The following CNTLN variants were observed in gnomAD, a reference collection of about 807,000 sequenced individuals.
The protein encoded by CNTLN is centlein, also known as centlein, centrosomal protein.
Under a neutral mutation model 180.0 loss-of-function variants are expected in CNTLN, and 212 were observed. The observed-to-expected ratio is 1.18, with a 90% CI of 1.05 to 1.32. The LOEUF (loss-of-function observed/expected upper bound fraction) is 1.32, where lower values mean the gene tolerates loss of function less well. Among genes scored for constraint, CNTLN ranks in the 40% most tolerant of loss-of-function variants. The pLI is 0.00. For synonymous variants in CNTLN, 722 were observed against 563.1 expected (o/e 1.28, Z -3.99); for missense variants, 2,095 against 1,610.9 (o/e 1.30, Z -5.14).
intron 10 of CNTLN, among the ~76,000 whole-genome samples, chr9:17,339,182 T>G (rs571835714): frequency 2.6e-4 from 39 of 152,300 alleles, no homozygotes; most frequent in African/African-American, 9.4e-4. Context: ...TAATAACTAC[T>G]TAAGAGAACT....
intron 18 of CNTLN, among the ~76,000 whole-genome samples, chr9:17,439,307 A>G (rs1353231415): frequency 6.6e-6 from 1 of 152,218 alleles, no homozygotes; most frequent in Non-Finnish European, 1.5e-5. Context: ...ATGTTCACAT[A>G]ACTAGGCCAC....
intron 5 of CNTLN, among the ~76,000 whole-genome samples, chr9:17,241,280 A>G (rs1351845218): frequency 6.6e-6 from 1 of 152,154 alleles, no homozygotes; most frequent in Admixed American, 6.5e-5. Context: ...CTGCATATGT[A>G]TATCCATTTC....
intron 2 of CNTLN, among the ~76,000 whole-genome samples, chr9:17,220,444 G>T (rs2132043761): frequency 6.6e-6 from 1 of 152,140 alleles, no homozygotes; most frequent in East Asian, 1.9e-4. Flanking sequence ...TACATGTGCA[G>T]GTTTGTAATG....
intron 13 of CNTLN, among the ~76,000 whole-genome samples, chr9:17,378,982 C>G (rs1010384978): frequency 6.6e-6 from 1 of 152,068 alleles, no homozygotes; most frequent in Non-Finnish European, 1.5e-5. Context: ...CTGTCATACA[C>G]CTGAAAAAAT....
chr9:17,370,365 A>G (rs971799819), intron 13 of CNTLN, among the ~76,000 whole-genome samples: 1 of 152,336 alleles, frequency 6.6e-6, no homozygotes, highest in East Asian at 1.9e-4. Context: ...CAGACTTTTC[A>G]GTGGAAACTT....
At chr9:17,262,356 A>G (rs936575257) in intron 5 of CNTLN, among the ~76,000 whole-genome samples, 1 of 151,672 alleles carries the variant, frequency 6.6e-6, no homozygotes, top group Non-Finnish European at 1.5e-5. Context: ...CTGGATAAAG[A>G]AAATGTGGTA....
intron 5 of CNTLN, among the ~76,000 whole-genome samples, chr9:17,246,906 G>A (rs1377994992): frequency 6.6e-6 from 1 of 152,004 alleles, no homozygotes; most frequent in Non-Finnish European, 1.5e-5. Flanking sequence ...TTCTGGTCCA[G>A]GGCATGGTTA....
chr9:17,308,057 A>G (rs545708934), intron 7 of CNTLN, among the ~76,000 whole-genome samples: 72 of 152,042 alleles, frequency 4.7e-4, no homozygotes, highest in Middle Eastern at 3.4e-3. Context: ...TCAGCCACAG[A>G]TATACATACA....
At chr9:17,307,277 AT>A (rs112610955) in intron 7 of CNTLN, among the ~76,000 whole-genome samples, 38,898 of 151,382 alleles carry the variant, frequency 0.26, 6,308 homozygotes, top group African/African-American at 0.44. Context: ...AGATAATTTT[AT>A]TTTTTTTTAA....
At chr9:17,381,615 A>T (rs539146025) in intron 13 of CNTLN, among the ~76,000 whole-genome samples, 5 of 152,240 alleles carry the variant, frequency 3.3e-5, no homozygotes, top group South Asian at 2.1e-4. Context: ...TCATAGCAGC[A>T]CCCCACTTAA....
chr9:17,400,170 C>T (rs1231640442), intron 15 of CNTLN, among the ~76,000 whole-genome samples: 1 of 152,068 alleles, frequency 6.6e-6, no homozygotes, highest in Non-Finnish European at 1.5e-5. Flanking sequence ...TGGAGTCTTA[C>T]CCTGTCACCC....
chr9:17,415,566 T>C (rs192587147), intron 16 of CNTLN, among the ~76,000 whole-genome samples: 2 of 152,180 alleles, frequency 1.3e-5, no homozygotes, highest in African/African-American at 4.8e-5. Flanking sequence ...GTTTAAAAAA[T>C]ATTTTTTTCA....
intron 2 of CNTLN, among the ~76,000 whole-genome samples, chr9:17,170,253 AT>A (rs1273313158): frequency 6.6e-6 from 1 of 152,144 alleles, no homozygotes; most frequent in Non-Finnish European, 1.5e-5. Flanking sequence ...ACTTAACTAA[AT>A]TTGTTTACTA....
At chr9:17,279,244 A>T (rs1281668945) in intron 6 of CNTLN, among the ~76,000 whole-genome samples, 1 of 152,170 alleles carries the variant, frequency 6.6e-6, no homozygotes, top group Non-Finnish European at 1.5e-5. Context: ...AACCACAGTG[A>T]ACACAGATGT....
intron 18 of CNTLN, among the ~76,000 whole-genome samples, chr9:17,437,978 T>C (rs903667252): frequency 3.3e-5 from 5 of 152,158 alleles, no homozygotes; most frequent in African/African-American, 9.7e-5. Context: ...AACAAAGTCA[T>C]TAGAAGAAAG....
At chr9:17,448,864 G>A (rs1190553589) in intron 18 of CNTLN, among the ~76,000 whole-genome samples, 2 of 152,144 alleles carry the variant, frequency 1.3e-5, no homozygotes, top group Non-Finnish European at 2.9e-5. Context: ...GGACATGTGA[G>A]GAATAGCTAT....
intron 15 of CNTLN, among the ~76,000 whole-genome samples, chr9:17,407,991 G>C (rs201636865): frequency 5.3e-5 from 8 of 151,868 alleles, no homozygotes; most frequent in Non-Finnish European, 1.5e-5. Flanking sequence ...GCCAGGCATC[G>C]TGGTGGGCAC....
At chr9:17,189,740 G>C (rs1052255740) in intron 2 of CNTLN, among the ~76,000 whole-genome samples, 1 of 152,094 alleles carries the variant, frequency 6.6e-6, no homozygotes. Flanking sequence ...TCCTGCTTCA[G>C]CCTCCCAAAG....
chr9:17,343,256 C>G (rs1484729370), intron 12 of CNTLN, among the ~76,000 whole-genome samples: 1 of 152,082 alleles, frequency 6.6e-6, no homozygotes, highest in Non-Finnish European at 1.5e-5. Flanking sequence ...TATAATTAAC[C>G]TCTTCTGCTA....
Sources: allele counts gnomAD v4.1 joint callset (sites outside exome capture counted in the v4.1 genomes callset), GRCh38; gene constraint gnomAD v4.1.1; transcripts MANE v1.5; gene names NCBI Gene and HGNC (gene_info 2026-07-23, HGNC 2026-07-21).